The following CPEB3 variants were observed in gnomAD, a reference collection of about 807,000 sequenced individuals.
CPEB3 encodes the protein cytoplasmic polyadenylation element binding protein 3.
In CPEB3, 20 loss-of-function variants were observed where a neutral mutation model predicts 67.2. The observed-to-expected ratio is 0.30, with a 90% CI of 0.21 to 0.43. CPEB3 has a LOEUF of 0.43. Among genes scored for constraint, CPEB3 ranks in the 20% least tolerant of loss-of-function variants. The pLI is 1.00. For synonymous variants in CPEB3, 376 were observed against 393.1 expected, an observed-to-expected ratio of 0.96 and a Z score of 0.51; for missense variants, 746 against 968.6, an observed-to-expected ratio of 0.77 and a Z score of 3.05.
intron 8 of CPEB3, among the ~76,000 whole-genome samples, chr10:92,090,378 C>T (rs1300854468): frequency 6.6e-6 from 1 of 152,160 alleles, no homozygotes; most frequent in Non-Finnish European, 1.5e-5. Flanking sequence ...CCTGTTTCTA[C>T]TAGAAATACA....
intron 2 of CPEB3, among the ~76,000 whole-genome samples, chr10:92,224,629 G>A (rs866154876): frequency 6.6e-6 from 1 of 151,788 alleles, no homozygotes; most frequent in Admixed American, 6.6e-5. Context: ...AGCACTTTGC[G>A]AGGCTGAGGT....
chr10:92,149,570 T>G (rs1046835721), intron 4 of CPEB3, among the ~76,000 whole-genome samples: 1 of 152,166 alleles, frequency 6.6e-6, no homozygotes, highest in African/African-American at 2.4e-5. Context: ...TTGTAAAAAT[T>G]TGGACAGTTT....
intron 7 of CPEB3, 62 bp downstream of exon 7, chr10:92,111,014 G>T: frequency 9.0e-7 from 1 of 1,108,580 alleles, no homozygotes; most frequent in Non-Finnish European, 1.4e-6. Context: ...AGAAAGAGGA[G>T]GTCAGCTATT....
intron 2 of CPEB3, among the ~76,000 whole-genome samples, chr10:92,237,675 C>A (rs1175364703): frequency 6.6e-6 from 1 of 152,040 alleles, no homozygotes; most frequent in Non-Finnish European, 1.5e-5. Context: ...AACTCAGGTA[C>A]GGAGCATGAG....
chr10:92,289,740 T>TAA, intron 1 of CPEB3, among the ~76,000 whole-genome samples: 1 of 55,894 alleles, frequency 1.8e-5, no homozygotes, highest in Non-Finnish European at 3.2e-5. Context: ...AAAATATATA[T>TAA]ATATATATAT....
At chr10:92,278,758 G>A (rs1368856569) in intron 1 of CPEB3, among the ~76,000 whole-genome samples, 7 of 151,584 alleles carry the variant, frequency 4.6e-5, no homozygotes, top group African/African-American at 7.3e-5. Flanking sequence ...CCACCACCAC[G>A]CCCAGCTAAT....
intron 9 of CPEB3, among the ~76,000 whole-genome samples, chr10:92,056,474 TC>T (rs1473852880): frequency 6.6e-6 from 1 of 152,168 alleles, no homozygotes; most frequent in East Asian, 1.9e-4. Flanking sequence ...GGTTTTATCT[TC>T]ATATTGCTGA....
At position 92,050,605 on chromosome 10, in the gene CPEB3, C is replaced by T. The variant is rs561484285; in HGVS notation, c.*1607G>A. On this transcript the variant is annotated 3_prime_UTR_variant, in exon 10 of 10. Transcript: ENST00000265997. ...GCTAGCAGGCCTTCATTCTAGACCA[C>T]GCTAGTGCTAGCAGGCCTTCATTCT... 12 of 152,426 alleles carry T rather than the reference C, an allele frequency of 7.9e-5. No homozygotes were observed. In the South Asian group the frequency reaches 1.0e-3, roughly 13 times the overall value. 9.4% of individuals were successfully genotyped at this position (152,426 alleles called of 1,614,324 possible).
Position 92,283,796 on chromosome 10 carries a change from G to A in CPEB3, c.-12+7130C>T, listed in dbSNP as rs1842407945. ...GGCTGGAGTGCAGTGGTGCAATCTCGGCTCACTGCAACCTCTGCCTCCCCA... is the reference window on the plus strand; with the variant it reads ...GGCTGGAGTGCAGTGGTGCAATCTCAGCTCACTGCAACCTCTGCCTCCCCA... On this transcript the variant is annotated intron_variant, in intron 1 of 9. Coordinates refer to ENST00000265997, the MANE Select transcript of CPEB3 (RefSeq NM_014912.5). Among the ~76,000 whole-genome samples, 5 of 140,828 alleles carry A rather than the reference G, an allele frequency of 3.6e-5. No homozygotes were observed. The South Asian group carries it at 6.6e-4, about 19-fold the overall frequency. The allele number at this position is 140,828 out of a possible 152,430, so 92.4% of individuals were successfully genotyped here. A position where few individuals can be genotyped will look rare whatever the true frequency, so the allele number is the denominator to read the frequency against.
chr10:92,151,523 T>A (rs1846968395), intron 4 of CPEB3, among the ~76,000 whole-genome samples: 1 of 152,196 alleles, frequency 6.6e-6, no homozygotes, highest in African/African-American at 2.4e-5. Flanking sequence ...TTTAACTAGA[T>A]GGCAGGATTT....
intron 6 of CPEB3, chr10:92,138,244 T>G (rs1170440178): frequency 4.5e-6 from 1 of 222,710 alleles, no homozygotes; most frequent in African/African-American, 2.3e-5. Flanking sequence ...TCGAGGTGGA[T>G]GGTTTGGCCA....
intron 4 of CPEB3, among the ~76,000 whole-genome samples, chr10:92,178,635 G>GT (rs1216687406): frequency 6.6e-6 from 1 of 152,024 alleles, no homozygotes; most frequent in African/African-American, 2.4e-5. Flanking sequence ...GCAGCAAGGA[G>GT]TTCAAGACCA....
At chr10:92,071,993 T>C (rs1433404791) in intron 9 of CPEB3, among the ~76,000 whole-genome samples, 1 of 152,194 alleles carries the variant, frequency 6.6e-6, no homozygotes, top group African/African-American at 2.4e-5. Flanking sequence ...TTGGCTCTTA[T>C]TGTGTTTAAA....
chr10:92,160,422 C>T (rs562956547), intron 4 of CPEB3, among the ~76,000 whole-genome samples: 18 of 152,198 alleles, frequency 1.2e-4, no homozygotes, highest in Admixed American at 2.6e-4. Flanking sequence ...ATCCCTCCCC[C>T]AAATTTGCTT....
intron 2 of CPEB3, among the ~76,000 whole-genome samples, chr10:92,213,530 A>C (rs531092104): frequency 2.0e-4 from 30 of 152,388 alleles, no homozygotes; most frequent in African/African-American, 7.0e-4. Flanking sequence ...GAGTAGGAGA[A>C]CATAAGATTA....
intron 2 of CPEB3, among the ~76,000 whole-genome samples, chr10:92,227,459 AT>A (rs761609101): frequency 6.6e-6 from 1 of 152,236 alleles, no homozygotes; most frequent in African/African-American, 2.4e-5. Flanking sequence ...TGTAAATCCC[AT>A]CCCTTTGATC....
At chr10:92,268,250 TCA>T (rs966095349) in intron 1 of CPEB3, among the ~76,000 whole-genome samples, 4 of 152,212 alleles carry the variant, frequency 2.6e-5, no homozygotes, top group Admixed American at 2.0e-4. Context: ...GTGAAATGAT[TCA>T]CAGTTTTTCT....
At chr10:92,105,099 CAAAT>C (rs1844380340) in intron 7 of CPEB3, among the ~76,000 whole-genome samples, 1 of 152,014 alleles carries the variant, frequency 6.6e-6, no homozygotes, top group Non-Finnish European at 1.5e-5. Flanking sequence ...ATTCAAGAAA[CAAAT>C]AAATAAATCA....
chr10:92,152,516 A>T (rs1847009820), intron 4 of CPEB3, among the ~76,000 whole-genome samples: 1 of 152,164 alleles, frequency 6.6e-6, no homozygotes, highest in Non-Finnish European at 1.5e-5. Context: ...CCCCTTTTAA[A>T]CTAGCTATCT....
Sources: gnomAD v4.1 joint callset for allele counts (sites outside exome capture counted in the v4.1 genomes callset) on GRCh38, gnomAD v4.1.1 for gene constraint, MANE v1.5 for transcripts, NCBI Gene and HGNC (gene_info 2026-07-23, HGNC 2026-07-21) for gene names.